The following FGF14 variants were observed in gnomAD, a reference collection of about 807,000 sequenced individuals.
FGF14 encodes the protein fibroblast growth factor homologous factor 4.
In FGF14, 5 loss-of-function variants were observed where a neutral mutation model predicts 25.5. The observed-to-expected ratio is 0.20, with a 90% CI of 0.10 to 0.41. The LOEUF is 0.41. Ranked by LOEUF, FGF14 falls within the 10% of genes least tolerant of loss-of-function variation. FGF14 has a pLI of 1.00. For synonymous variants in FGF14, 138 were observed against 118.3 expected, an observed-to-expected ratio of 1.17 and a Z score of -1.08; for missense variants, 222 against 320.1, an observed-to-expected ratio of 0.69 and a Z score of 2.34.
chr13:102,071,907 G>A (rs1053352676), intron 1 of FGF14, among the ~76,000 whole-genome samples: 33 of 152,244 alleles, frequency 2.2e-4, no homozygotes, highest in Middle Eastern at 3.4e-3. Flanking sequence ...ACACTCTCAC[G>A]AACAGACTTA....
chr13:102,298,326 G>A (rs2054838308), intron 1 of FGF14, among the ~76,000 whole-genome samples: 1 of 151,922 alleles, frequency 6.6e-6, no homozygotes, highest in Non-Finnish European at 1.5e-5. Context: ...AAGAACACAG[G>A]GTGGAGCTAT....
At chr13:102,349,561 C>A (rs943399945) in intron 1 of FGF14, among the ~76,000 whole-genome samples, 4 of 152,170 alleles carry the variant, frequency 2.6e-5, no homozygotes, top group Non-Finnish European at 5.9e-5. Context: ...TGCCACTTAT[C>A]AGGAGTCATA....
In FGF14 at chr13:102,321,430, C is replaced by T. The variant is rs1013104388; in HGVS notation, c.208+80041G>A. Among the ~76,000 whole-genome samples, 3 of 152,142 alleles carry T rather than the reference C, an allele frequency of 2.0e-5. No individual in the cohort carries two copies. In the South Asian group the frequency reaches 6.2e-4, roughly 32 times the overall value. The stretch of plus-strand genomic sequence containing the variant: ...ATTTAACAATGCAACATATAGAATA[C>T]AATTTTTAAATGAATTTGAAACATA... On this transcript the variant is annotated intron_variant, in intron 1 of 4. Transcript: ENST00000376131.
intron 1 of FGF14, among the ~76,000 whole-genome samples, chr13:102,159,005 T>C (rs902648999): frequency 6.6e-6 from 1 of 151,692 alleles, no homozygotes; most frequent in South Asian, 2.1e-4. Context: ...CTGGTTATGG[T>C]GGCATGCACC....
intron 3 of FGF14, among the ~76,000 whole-genome samples, chr13:101,826,450 A>T (rs1226822027): frequency 6.6e-6 from 1 of 152,056 alleles, no homozygotes; most frequent in Non-Finnish European, 1.5e-5. Flanking sequence ...TCCCAGTTAA[A>T]TCTCAAATTG....
At chr13:102,055,625 T>C (rs972719188) in intron 1 of FGF14, among the ~76,000 whole-genome samples, 1 of 152,170 alleles carries the variant, frequency 6.6e-6, no homozygotes, top group African/African-American at 2.4e-5. Context: ...ACACCCATGA[T>C]ACATTTATTA....
chr13:102,272,549 C>CT (rs1423353271), intron 1 of FGF14, among the ~76,000 whole-genome samples: 11 of 152,102 alleles, frequency 7.2e-5, no homozygotes, highest in African/African-American at 1.9e-4. Context: ...GTAATAATAT[C>CT]TAACATTTAT....
At chr13:102,297,340 A>G (rs934604978) in intron 1 of FGF14, among the ~76,000 whole-genome samples, 3 of 152,180 alleles carry the variant, frequency 2.0e-5, no homozygotes, top group Admixed American at 6.6e-5. Context: ...AGACGACTCA[A>G]TGTAACATGG....
intron 3 of FGF14, among the ~76,000 whole-genome samples, chr13:101,812,790 C>CCA (rs2041646064): frequency 6.7e-6 from 1 of 149,720 alleles, no homozygotes; most frequent in African/African-American, 2.5e-5. Flanking sequence ...CCTCAGCCTC[C>CCA]TGAGTAGCTG....
At chr13:102,009,576 T>A (rs1482849045) in intron 1 of FGF14, among the ~76,000 whole-genome samples, 1 of 152,096 alleles carries the variant, frequency 6.6e-6, no homozygotes, top group Non-Finnish European at 1.5e-5. Context: ...GATTAAAAAA[T>A]TGTTCTTCAA....
chr13:102,131,599 G>A (rs536299947), intron 1 of FGF14, among the ~76,000 whole-genome samples: 49 of 152,078 alleles, frequency 3.2e-4, no homozygotes, highest in African/African-American at 1.2e-3. Flanking sequence ...GAATAAATTG[G>A]AATACTATTT....
intron 3 of FGF14, among the ~76,000 whole-genome samples, chr13:101,815,284 A>G (rs1423892511): frequency 6.6e-6 from 1 of 152,158 alleles, no homozygotes; most frequent in Non-Finnish European, 1.5e-5. Flanking sequence ...GAAACAAATG[A>G]CAGGCAGAGG....
intron 3 of FGF14, among the ~76,000 whole-genome samples, chr13:101,745,933 G>C (rs2139810763): frequency 6.6e-6 from 1 of 152,144 alleles, no homozygotes; most frequent in South Asian, 2.1e-4. Flanking sequence ...AGTGGAAAAG[G>C]AGGTAGGTTT....
At chr13:102,287,598 T>A (rs2054170495) in intron 1 of FGF14, among the ~76,000 whole-genome samples, 1 of 152,206 alleles carries the variant, frequency 6.6e-6, no homozygotes, top group Non-Finnish European at 1.5e-5. Flanking sequence ...GAAAATACCT[T>A]AGTTGATCAA....
At chr13:102,023,134 C>T (rs2040754982) in intron 1 of FGF14, among the ~76,000 whole-genome samples, 1 of 151,832 alleles carries the variant, frequency 6.6e-6, no homozygotes, top group Non-Finnish European at 1.5e-5. Context: ...TAGTGTCTAA[C>T]TGATTGCCAG....
At position 102,205,719 on chromosome 13, in the gene FGF14, C is replaced by T. The variant is rs151062676; in HGVS notation, c.208+195752G>A. On this transcript the variant is annotated intron_variant, in intron 1 of 4. Transcript: ENST00000376131. ...ATGAAAGCATTTTGCCATCTCTCCC[C>T]CGAGAAAGGTTGAGAGACAAAAAAA... Among the ~76,000 whole-genome samples the T allele has an allele frequency of 3.6e-3, 533 of 148,288 alleles. 3 individuals carry two copies. The highest frequency in any genetic ancestry group is 0.013 in the African/African-American group (504 of 39,596).
chr13:102,031,867 T>C (rs769906472), intron 1 of FGF14, among the ~76,000 whole-genome samples: 3 of 152,054 alleles, frequency 2.0e-5, no homozygotes, highest in Non-Finnish European at 4.4e-5. Context: ...AAATGAAACA[T>C]TAAGGAATAA....
At chr13:102,022,910 A>G (rs1051196679) in intron 1 of FGF14, among the ~76,000 whole-genome samples, 1 of 152,062 alleles carries the variant, frequency 6.6e-6, no homozygotes, top group East Asian at 1.9e-4. Context: ...CTATTAACAA[A>G]TGAGAGGAAG....
intron 1 of FGF14, among the ~76,000 whole-genome samples, chr13:102,094,853 A>AC (rs1166291009): frequency 6.6e-6 from 1 of 151,914 alleles, no homozygotes; most frequent in Non-Finnish European, 1.5e-5. Flanking sequence ...GCCACCTAGA[A>AC]CCCCATAGTT....
Sources: gnomAD v4.1 joint callset for allele counts (sites outside exome capture counted in the v4.1 genomes callset) on GRCh38, gnomAD v4.1.1 for gene constraint, MANE v1.5 for transcripts, NCBI Gene and HGNC (gene_info 2026-07-23, HGNC 2026-07-21) for gene names.